PRDM11: variants seen among roughly 807,000 people sequenced by gnomAD.
PRDM11 encodes PR domain-containing protein 11.
A neutral mutation model predicts 97.8 loss-of-function variants in PRDM11; 20 were observed. The ratio of observed to expected loss-of-function variants is 0.20; its 90% CI spans 0.14 to 0.30. The LOEUF (loss-of-function observed/expected upper bound fraction) is 0.30, where lower values mean the gene tolerates loss of function less well. Ranked by LOEUF, PRDM11 falls within the 10% of genes least tolerant of loss-of-function variation. The pLI, the probability that PRDM11 is intolerant of heterozygous loss-of-function variation, is 1.00. For synonymous variants in PRDM11, 599 were observed against 637.7 expected (o/e 0.94, Z 0.91); for missense variants, 1,139 against 1,555.2 (o/e 0.73, Z 4.50).
chr11:45,101,566 AAAAGAAG>A (rs1851978015), intron 1 of PRDM11, among the ~76,000 whole-genome samples: 1 of 142,542 alleles, frequency 7.0e-6, no homozygotes. Context: ...AAAAAAAAAA[AAAAGAAG>A]AAGAAGAAGA....
chr11:45,119,619 C>CAAAAAA lies in PRDM11; in HGVS notation c.96+23743_96+23748dup, dbSNP rs56367204. Among the ~76,000 whole-genome samples the CAAAAAA allele has an allele frequency of 1.4e-4, 6 of 43,058 alleles. 1 individual carries two copies. Among genetic ancestry groups the CAAAAAA allele is most frequent in the East Asian group, 1.7e-3 (1 of 586 alleles). 28.2% of individuals were successfully genotyped at this position (43,058 alleles called of 152,430 possible). ...CCTGGGTGACAGCGAGATTCTGTCT[C>CAAAAAA]AAAAAAAAAAAAAAAAAAAAAAAAA... On this transcript the variant is annotated intron_variant, in intron 1 of 6. Transcript: ENST00000530656.
At chr11:45,208,893 G>A (rs937823523) in intron 5 of PRDM11, 5 of 450,870 alleles carry the variant, frequency 1.1e-5, no homozygotes, top group Middle Eastern at 3.3e-4. Context: ...ACACCTGGCT[G>A]AGCGTAAGAG....
intron 1 of PRDM11, among the ~76,000 whole-genome samples, chr11:45,107,686 C>T (rs1852085976): frequency 6.6e-6 from 1 of 152,132 alleles, no homozygotes; most frequent in African/African-American, 2.4e-5. Context: ...ACTGGCTTTT[C>T]CGTGTTGCTT....
chr11:45,161,800 C>G (rs993821507), intron 1 of PRDM11, among the ~76,000 whole-genome samples: 1 of 152,260 alleles, frequency 6.6e-6, no homozygotes, highest in Non-Finnish European at 1.5e-5. Context: ...CACACTGATG[C>G]TGCTGCCTAA....
At chr11:45,096,424 C>T (rs1241553785) in intron 1 of PRDM11, among the ~76,000 whole-genome samples, 2 of 152,156 alleles carry the variant, frequency 1.3e-5, no homozygotes, top group African/African-American at 2.4e-5. Flanking sequence ...CATTTTTTCA[C>T]ATCTAGAAAC....
chr11:45,127,131 G>A (rs1417987154), intron 1 of PRDM11, among the ~76,000 whole-genome samples: 1 of 152,144 alleles, frequency 6.6e-6, no homozygotes, highest in Non-Finnish European at 1.5e-5. Flanking sequence ...AATCACGTCA[G>A]CTCCTGAGGC....
chr11:45,217,433 A>G (rs1294056578), intron 5 of PRDM11, among the ~76,000 whole-genome samples: 6 of 152,230 alleles, frequency 3.9e-5, no homozygotes, highest in Admixed American at 3.9e-4. Context: ...TGTTGGGGCT[A>G]ACAGAGAACA....
chr11:45,156,811 C>T (rs888579563), intron 1 of PRDM11, among the ~76,000 whole-genome samples: 5 of 151,976 alleles, frequency 3.3e-5, no homozygotes, highest in African/African-American at 9.7e-5. Flanking sequence ...GAGGAGGTGA[C>T]GATGAGCTGG....
chr11:45,181,988 C>CA, intron 2 of PRDM11, 103 bp downstream of exon 2: 1 of 1,078,260 alleles, frequency 9.3e-7, no homozygotes, highest in Non-Finnish European at 1.3e-6. Flanking sequence ...CCTTGCCCAC[C>CA]TTCCCTAACC....
upstream of PRDM11, among the ~76,000 whole-genome samples, chr11:45,143,333 A>AG (rs1230400258): frequency 6.6e-6 from 1 of 152,104 alleles, no homozygotes; most frequent in African/African-American, 2.4e-5. Flanking sequence ...TATTACTAGT[A>AG]GGGGGTGGAG....
At chr11:45,105,503 T>C (rs1852045792) in intron 1 of PRDM11, among the ~76,000 whole-genome samples, 1 of 152,206 alleles carries the variant, frequency 6.6e-6, no homozygotes, top group Admixed American at 6.5e-5. Flanking sequence ...GAACCACAGG[T>C]GCTCAGGCCT....
chr11:45,172,678 G>C (rs1324082538), intron 1 of PRDM11, among the ~76,000 whole-genome samples: 1 of 152,164 alleles, frequency 6.6e-6, no homozygotes, highest in Non-Finnish European at 1.5e-5. Flanking sequence ...CAGTATAGCA[G>C]TGATTTACAT....
chr11:45,225,409 A>G (rs1590479222), intron 7 of PRDM11, among the ~76,000 whole-genome samples: 4 of 152,210 alleles, frequency 2.6e-5, no homozygotes, highest in Admixed American at 2.6e-4. Context: ...TTGGTTGACA[A>G]CTAGGCAGGT....
chr11:45,179,091 G>A (rs1465684284), intron 1 of PRDM11, among the ~76,000 whole-genome samples: 1 of 152,172 alleles, frequency 6.6e-6, no homozygotes, highest in Non-Finnish European at 1.5e-5. Flanking sequence ...CAAGTTCACA[G>A]GCCCCATGGC....
chr11:45,162,668 T>A (rs941038183), intron 1 of PRDM11, among the ~76,000 whole-genome samples: 1 of 152,090 alleles, frequency 6.6e-6, no homozygotes, highest in Admixed American at 6.6e-5. Context: ...CACAGGGAAG[T>A]TAAGTGGCTT....
In PRDM11 at chr11:45,182,880, G is replaced by A; in HGVS notation, c.243G>A (p.Glu81=). The change falls in exon 4 of 8, where the codon GAG becomes GAA. Residue 81 remains glutamate, a synonymous_variant. Coordinates refer to ENST00000683152, the MANE Select transcript of PRDM11 (RefSeq NM_001384648.1). ...VDFWFCESCQ[E]YFVDECPNHG... is the part of the protein sequence containing the mutation. Reference sequence around the variant, plus strand: ...CTCCAGTCTGTGAGTCCTGCCAGGAGTACTTCGTGGATGAATGCCCAAACC... The same window carrying A: ...CTCCAGTCTGTGAGTCCTGCCAGGAATACTTCGTGGATGAATGCCCAAACC... 1 of 1,600,026 alleles carries A rather than the reference G, an allele frequency of 6.2e-7. No homozygotes were observed. The highest frequency in any genetic ancestry group is 8.5e-7 in the Non-Finnish European group (1 of 1,172,016).
Position 45,219,666 on chromosome 11 carries a change from T to G in PRDM11, c.651T>G (p.Pro217=), listed in dbSNP as rs1854059044. Reference sequence around the variant, plus strand: ...TCCGGGCGTGCAGGGACATCCGGCCTGGGGAGTGGCTGCGGGTCTGGTACA... The same window carrying G: ...TCCGGGCGTGCAGGGACATCCGGCCGGGGGAGTGGCTGCGGGTCTGGTACA... ...IYFRACRDIR[P]GEWLRVWYSE... is the part of the protein sequence containing the mutation. The change falls in exon 6 of 8, where the codon CCT becomes CCG. Residue 217 remains proline (P), a synonymous_variant. Transcript: ENST00000683152. The surrounding 1 kb of genome is among the most constrained non-coding windows in gnomAD (Gnocchi z 4.2). The G allele has an allele frequency of 1.2e-6, 2 of 1,614,018 alleles. No individual in the cohort carries two copies. Among genetic ancestry groups the G allele is most frequent in the Non-Finnish European group, 1.7e-6 (2 of 1,180,002 alleles).
At chr11:45,204,111 CAGAGTGCTGAAAGAAAATAAAA>C (rs1226129136) in intron 4 of PRDM11, among the ~76,000 whole-genome samples, 20 of 152,346 alleles carry the variant, frequency 1.3e-4, no homozygotes, top group Admixed American at 1.3e-3. Context: ...TAGCAGTCTT[CAGAGTGCTGAAAGAAAATAAAA>C]CTTAGCCTAG....
chr11:45,206,079 C>T (rs1853499422), intron 5 of PRDM11, among the ~76,000 whole-genome samples: 1 of 152,212 alleles, frequency 6.6e-6, no homozygotes, highest in African/African-American at 2.4e-5. Flanking sequence ...TCTCTTCTCA[C>T]TGCCACGGGG....
Sources: allele counts gnomAD v4.1 joint callset (sites outside exome capture counted in the v4.1 genomes callset), GRCh38; gene constraint gnomAD v4.1.1; non-coding constraint Gnocchi (gnomAD v3.1); transcripts MANE v1.5; gene names NCBI Gene and HGNC (gene_info 2026-07-23, HGNC 2026-07-21).